VEGFA: variants seen among roughly 807,000 people sequenced by gnomAD.
VEGFA encodes vascular endothelial growth factor A, long form.
Under a neutral mutation model 49.7 loss-of-function variants are expected in VEGFA, and 20 were observed. The ratio of observed to expected loss-of-function variants is 0.40; its 90% CI spans 0.28 to 0.58. The LOEUF (loss-of-function observed/expected upper bound fraction) is 0.58, where lower values mean the gene tolerates loss of function less well. Among genes scored for constraint, VEGFA ranks in the 20% least tolerant of loss-of-function variants. The probability of loss-of-function intolerance (pLI) is 0.40; values close to 1 mark genes in which losing one functional copy is unlikely to be tolerated. For synonymous variants in VEGFA, 219 were observed against 223.4 expected (o/e 0.98, Z 0.18); for missense variants, 505 against 553.5 (o/e 0.91, Z 0.88).
rs1185538685 is a variant in VEGFA, at chr6:43,785,722, A to C, written c.*1160A>C. 1 of 193,386 alleles carries C rather than the reference A, an allele frequency of 5.2e-6. No homozygotes were observed. Among genetic ancestry groups the C allele is most frequent in the East Asian group, 8.4e-5 (1 of 11,908 alleles). 12.0% of individuals were successfully genotyped at this position (193,386 alleles called of 1,614,324 possible). A position where few individuals can be genotyped will look rare whatever the true frequency, so the allele number is the denominator to read the frequency against. On this transcript the variant is annotated 3_prime_UTR_variant, in exon 8 of 8. Coordinates refer to ENST00000672860, the MANE Select transcript of VEGFA (RefSeq NM_003376.6). ...TCCTTCCCTTCCCTTCCCGAGGCAC[A>C]GAGAGACAGGGCAGGATCCACGTGC... is the stretch of plus-strand genomic sequence containing the variant.
At position 43,770,758 on chromosome 6, in the gene VEGFA, C is replaced by T. The variant is rs1243046808; in HGVS notation, c.52C>T (p.Pro18Ser). The change falls in exon 1 of 8, where the codon CCC (proline) becomes TCC (serine). Residue 18 changes from proline to serine, a missense_variant. By Grantham distance (74) the Pro-to-Ser change is moderately conservative (BLOSUM62 -1). Transcript: ENST00000672860. ...CCCCAGCCCCAGCTACCACCTCCTC[C>T]CCGGCCGGCGGCGGACAGTGGACGC... 4.0e-6 allele frequency: 6 copies of T among 1,498,158 alleles called. No individual in the cohort carries two copies. The South Asian group carries it at 5.2e-5, about 13-fold the overall frequency. The allele number at this position is 1,498,158 out of a possible 1,614,324, so 92.8% of individuals were successfully genotyped here. A position where few individuals can be genotyped will look rare whatever the true frequency, so the allele number is the denominator to read the frequency against.
At position 43,770,811 on chromosome 6, in the gene VEGFA, G is replaced by T; in HGVS notation, c.105G>T (p.Glu35Asp). Residue 35 changes from glutamate (E) to aspartate (D), a missense_variant, in exon 1 of 8, where the codon GAG becomes GAT. Physicochemically the swap from Glu to Asp is conservative, Grantham distance 45. Transcript: ENST00000672860. ...CGGCGAGCCGCGGGCAGGGGCCGGA[G>T]CCCGCGCCCGGAGGCGGGGTGGAGG... 1 of 1,512,552 alleles carries T rather than the reference G, an allele frequency of 6.6e-7. No individual in the cohort carries two copies. The highest frequency in any genetic ancestry group is 8.8e-7 in the Non-Finnish European group (1 of 1,132,604). 93.7% of individuals were successfully genotyped at this position (1,512,552 alleles called of 1,614,324 possible). A position where few individuals can be genotyped will look rare whatever the true frequency, so the allele number is the denominator to read the frequency against.
chr6:43,780,788 A>G lies in VEGFA; in HGVS notation c.1019A>G (p.Tyr340Cys), dbSNP rs754475500. 5.6e-6 allele frequency: 9 copies of G among 1,613,908 alleles called. No homozygotes were observed. The East Asian group carries it at 8.9e-5, about 16-fold the overall frequency. Residue 340 changes from tyrosine (Y) to cysteine (C), a missense_variant, in exon 6 of 8, where the codon TAT becomes TGT. By Grantham distance (194) the Tyr-to-Cys change is radical (BLOSUM62 -2). This residue lies in a region of VEGFA where 165 missense variants were observed against 231.7 expected (regional missense o/e 0.71). Coordinates refer to ENST00000672860, the MANE Select transcript of VEGFA (RefSeq NM_003376.6). ...AAACGAAAGCGCAAGAAATCCCGGT[A>G]TAAGTCCTGGAGCGTGTACGTTGGT...
At position 43,770,843 on chromosome 6, in the gene VEGFA, G is replaced by A; in HGVS notation, c.137G>A (p.Gly46Glu). ...CCCGGAGGCGGGGTGGAGGGGGTCGGGGCTCGCGGCGTCGCACTGAAACTT... is the reference window on the plus strand; with the variant it reads ...CCCGGAGGCGGGGTGGAGGGGGTCGAGGCTCGCGGCGTCGCACTGAAACTT... The change falls in exon 1 of 8, where the codon GGG (glycine) becomes GAG (glutamate). Residue 46 changes from glycine to glutamate, a missense_variant. Gly to Glu is a moderately conservative substitution (Grantham distance 98). Transcript: ENST00000672860. The A allele has an allele frequency of 6.5e-7, 1 of 1,532,580 alleles. No individual in the cohort carries two copies. Among genetic ancestry groups the A allele is most frequent in the Non-Finnish European group, 8.8e-7 (1 of 1,141,008 alleles). The allele number at this position is 1,532,580 out of a possible 1,614,324, so 94.9% of individuals were successfully genotyped here. A position where few individuals can be genotyped will look rare whatever the true frequency, so the allele number is the denominator to read the frequency against.
At chr6:43,776,636 C>G (rs1403101059) in intron 2 of VEGFA, 1 of 152,584 alleles carries the variant, frequency 6.6e-6, no homozygotes, top group Non-Finnish European at 1.5e-5. Flanking sequence ...GCTGGCAGGG[C>G]TGGCACAGCG....
At position 43,778,493 on chromosome 6, in the gene VEGFA, A is replaced by G. The variant is rs1766215664; in HGVS notation, c.889A>G (p.Ile297Val). The change falls in exon 4 of 8, where the codon ATA becomes GTA. Residue 297 changes from isoleucine (I) to valine (V), a missense_variant. Ile to Val is a conservative substitution (Grantham distance 29). Around this residue, in one of 2 missense-constraint regions of VEGFA, gnomAD observed 165 missense variants for 231.7 expected, o/e 0.71. Coordinates refer to ENST00000672860, the MANE Select transcript of VEGFA (RefSeq NM_003376.6). ...GATCAAACCTCACCAAGGCCAGCAC[A>G]TAGGAGAGATGAGCTTCCTACAGCA... The G allele has an allele frequency of 1.9e-6, 3 of 1,614,178 alleles. No homozygotes were observed. The highest frequency in any genetic ancestry group is 1.1e-5 in the South Asian group (1 of 91,080).
At position 43,784,641 on chromosome 6, in the gene VEGFA, G is replaced by T; in HGVS notation, c.*79G>T. ...CAGGAAAGACTGATACAGAACGATC[G>T]ATACAGAAACCACGCTGCCGCCACC... On this transcript the variant is annotated 3_prime_UTR_variant, in exon 8 of 8. Transcript: ENST00000672860. The T allele has an allele frequency of 6.2e-7, 1 of 1,613,270 alleles. No homozygotes were observed. Among genetic ancestry groups the T allele is most frequent in the Non-Finnish European group, 8.5e-7 (1 of 1,179,218 alleles).
intron 1 of VEGFA, chr6:43,772,052 A>T: frequency 1.0e-6 from 1 of 985,306 alleles, no homozygotes; most frequent in Non-Finnish European, 1.2e-6. Context: ...CAGAGTGGCG[A>T]GCGGCACCCC....
rs542055840 is a variant in VEGFA at position 43,771,429 on chromosome 6, A to G, written c.606+117A>G. The G allele has an allele frequency of 2.8e-6, 3 of 1,063,868 alleles. No individual in the cohort carries two copies. In the East Asian group the frequency reaches 8.9e-5, roughly 32 times the overall value. 65.9% of individuals were successfully genotyped at this position (1,063,868 alleles called of 1,614,324 possible). A position where few individuals can be genotyped will look rare whatever the true frequency, so the allele number is the denominator to read the frequency against. On this transcript the variant is annotated intron_variant, in intron 1 of 7. Coordinates refer to ENST00000672860, the MANE Select transcript of VEGFA (RefSeq NM_003376.6). ...TGCCCCACGCGGGTCCATGGGCACC[A>G]GGCGTGCGGCGTCCCCCTCTGTCGT... is the stretch of plus-strand genomic sequence containing the variant.
intron 6 of VEGFA, chr6:43,781,753 G>T (rs3025023): frequency 1.3e-5 from 8 of 605,080 alleles, no homozygotes; most frequent in Non-Finnish European, 2.0e-5. Flanking sequence ...CTCTTCCTGC[G>T]GCAGGTGTCC....
At chr6:43,774,193 C>T (rs1317264077) in intron 1 of VEGFA, 148 bp from the exon 2 acceptor site, 7 of 802,650 alleles carry the variant, frequency 8.7e-6, no homozygotes, top group Admixed American at 4.0e-5. Context: ...GTGGGGACCC[C>T]CGGTTGTGTC....
intron 5 of VEGFA, chr6:43,779,743 G>A (rs779530379): frequency 1.3e-5 from 6 of 461,896 alleles, no homozygotes; most frequent in Non-Finnish European, 2.2e-5. Flanking sequence ...CCACCCTTTG[G>A]TGCTTTCTCC....
intron 7 of VEGFA, chr6:43,784,208 G>C: frequency 2.2e-6 from 1 of 458,052 alleles, no homozygotes; most frequent in Non-Finnish European, 4.0e-6. Flanking sequence ...AAAATGTCAA[G>C]TGGGGACTGT....
Position 43,770,648 on chromosome 6 carries a change from T to C in VEGFA, c.-59T>C. ...AAAGTGAGTGACCTGCTTTTGGGGGTGACCGCCGGAGCGCGGCGTGAGCCC... is the reference window on the plus strand; with the variant it reads ...AAAGTGAGTGACCTGCTTTTGGGGGCGACCGCCGGAGCGCGGCGTGAGCCC... On this transcript the variant is annotated 5_prime_UTR_variant, in exon 1 of 8. Transcript: ENST00000672860. 6.7e-7 allele frequency: 1 copy of C among 1,496,202 alleles called. No homozygotes were observed. Among genetic ancestry groups the C allele is most frequent in the Non-Finnish European group, 8.8e-7 (1 of 1,133,228 alleles). 92.7% of individuals were successfully genotyped at this position (1,496,202 alleles called of 1,614,324 possible).
Position 43,778,480 on chromosome 6 carries a change from C to G in VEGFA, c.876C>G (p.His292Gln). 6.2e-7 allele frequency: 1 copy of G among 1,614,188 alleles called. No individual in the cohort carries two copies. The highest frequency in any genetic ancestry group is 8.5e-7 in the Non-Finnish European group (1 of 1,180,016). ...TCCAGATTATGCGGATCAAACCTCA[C>G]CAAGGCCAGCACATAGGAGAGATGA... The change falls in exon 4 of 8, where the codon CAC (histidine) becomes CAG (glutamine). Residue 292 changes from histidine (H) to glutamine (Q), a missense_variant. Coordinates refer to ENST00000672860, the MANE Select transcript of VEGFA (RefSeq NM_003376.6).
Position 43,773,493 on chromosome 6 carries a change from C to G in VEGFA, c.607-848C>G, listed in dbSNP as rs1184136253. Reference sequence around the variant, plus strand: ...GGGGAGGGTTAGAGGAGGCCTCAGGCCTAAGGTGGTGCAGGGGGCCCCCTA... The same window carrying G: ...GGGGAGGGTTAGAGGAGGCCTCAGGGCTAAGGTGGTGCAGGGGGCCCCCTA... On this transcript the variant is annotated intron_variant, in intron 1 of 7. Coordinates refer to ENST00000672860, the MANE Select transcript of VEGFA (RefSeq NM_003376.6). The surrounding 1 kb of genome is among the most constrained non-coding windows in gnomAD (Gnocchi z 5.6). 1.3e-5 allele frequency: 2 copies of G among 152,250 alleles called. No homozygotes were observed. Among genetic ancestry groups the G allele is most frequent in the African/African-American group, 4.8e-5 (2 of 41,374 alleles). 9.4% of individuals were successfully genotyped at this position (152,250 alleles called of 1,614,324 possible).
rs765907790 is a variant in VEGFA at position 43,770,760 on chromosome 6, C to G, written c.54C>G (p.Pro18=). The change falls in exon 1 of 8, where the codon CCC becomes CCG. Residue 18 remains proline, a synonymous_variant. Transcript: ENST00000672860. ...CCAGCCCCAGCTACCACCTCCTCCC[C>G]GGCCGGCGGCGGACAGTGGACGCGG... The G allele has an allele frequency of 4.7e-6, 7 of 1,487,638 alleles. No homozygotes were observed. The highest frequency in any genetic ancestry group is 5.3e-6 in the Non-Finnish European group (6 of 1,126,880). 92.2% of individuals were successfully genotyped at this position (1,487,638 alleles called of 1,614,324 possible).
At chr6:43,779,777 C>T (rs1334820582) in intron 5 of VEGFA, 1 of 454,990 alleles carries the variant, frequency 2.2e-6, no homozygotes, top group Non-Finnish European at 4.4e-6. Context: ...CTTGCCCTCT[C>T]TGGTCCCTTC....
intron 7 of VEGFA, 38 bp from the exon 8 acceptor site, chr6:43,784,503 T>C (rs1769092357): frequency 6.2e-7 from 1 of 1,611,838 alleles, no homozygotes; most frequent in South Asian, 1.1e-5. Context: ...CCTCCTCACT[T>C]GGCCCTAACC....
Sources: gnomAD v4.1 joint callset for allele counts on GRCh38, gnomAD v4.1.1 for gene constraint, gnomAD v4.1.1 regional missense constraint, Gnocchi (gnomAD v3.1) non-coding constraint, MANE v1.5 for transcripts, NCBI Gene and HGNC (gene_info 2026-07-23, HGNC 2026-07-21) for gene names.